ACER3: variants seen among roughly 807,000 people sequenced by gnomAD.
The protein encoded by ACER3 is alkaline ceramidase 3.
A neutral mutation model predicts 48.9 loss-of-function variants in ACER3; 16 were observed. That is an observed-to-expected ratio of 0.33 (90% CI 0.22 to 0.50). ACER3 has a LOEUF of 0.50. Among genes scored for constraint, ACER3 ranks in the 20% least tolerant of loss-of-function variants. The pLI is 0.98. For synonymous variants in ACER3, 109 were observed against 107.8 expected (o/e 1.01, Z -0.07); for missense variants, 227 against 326.0 (o/e 0.70, Z 2.34).
Position 76,916,132 on chromosome 11 carries a change from C to T in ACER3, c.104-10425C>T, listed in dbSNP as rs546618573. On this transcript the variant is annotated intron_variant, in intron 1 of 10. Coordinates refer to ENST00000532485, the MANE Select transcript of ACER3 (RefSeq NM_018367.7). ...GATTTTTGACTGATGCATTTTAATT[C>T]TAAGTAAATGAAGAGTGAATGAAAA... Among the ~76,000 whole-genome samples, 91 of 152,176 alleles carry T rather than the reference C, an allele frequency of 6.0e-4. 2 individuals are homozygous for T. The Middle Eastern group carries it at 0.01, about 17-fold the overall frequency.
chr11:76,981,927 G>A (rs1479264145), intron 4 of ACER3, among the ~76,000 whole-genome samples: 1 of 152,154 alleles, frequency 6.6e-6, no homozygotes, highest in Non-Finnish European at 1.5e-5. Context: ...TGTATGGTAA[G>A]TATATGTTTT....
chr11:76,974,069 A>G (rs1161197514), intron 3 of ACER3, among the ~76,000 whole-genome samples: 1 of 152,314 alleles, frequency 6.6e-6, no homozygotes, highest in Admixed American at 6.5e-5. Context: ...ATTCTATTCT[A>G]TTGACTTATA....
chr11:76,962,843 G>A (rs1008750142), intron 3 of ACER3, among the ~76,000 whole-genome samples: 5 of 151,360 alleles, frequency 3.3e-5, no homozygotes, highest in African/African-American at 9.8e-5. Flanking sequence ...CCTGGAAAAA[G>A]GTAGAGATTT....
At chr11:76,963,931 C>G (rs539986717) in intron 3 of ACER3, among the ~76,000 whole-genome samples, 1 of 151,412 alleles carries the variant, frequency 6.6e-6, no homozygotes, top group Non-Finnish European at 1.5e-5. Context: ...ACTGAGGTAC[C>G]GGGTTCATCT....
chr11:76,964,940 A>G (rs535043235), intron 3 of ACER3, among the ~76,000 whole-genome samples: 3 of 151,518 alleles, frequency 2.0e-5, no homozygotes, highest in African/African-American at 7.4e-5. Flanking sequence ...CTCACCAGCA[A>G]TGGAACAAAG....
chr11:76,939,054 A>G (rs969639916), intron 2 of ACER3, among the ~76,000 whole-genome samples: 1 of 152,320 alleles, frequency 6.6e-6, no homozygotes, highest in East Asian at 1.9e-4. Context: ...AATCTGAAAA[A>G]TAACAGTAAT....
At chr11:76,867,930 C>T (rs1945137544) in intron 1 of ACER3, among the ~76,000 whole-genome samples, 1 of 152,190 alleles carries the variant, frequency 6.6e-6, no homozygotes, top group Non-Finnish European at 1.5e-5. Flanking sequence ...GAAAGTAGGG[C>T]AGCCCTCAGT....
At chr11:76,952,255 T>C (rs1947691560) in intron 2 of ACER3, among the ~76,000 whole-genome samples, 1 of 149,408 alleles carries the variant, frequency 6.7e-6, no homozygotes, top group Admixed American at 6.7e-5. Context: ...TATACTATTC[T>C]TTCTTTCTTT....
intron 2 of ACER3, among the ~76,000 whole-genome samples, chr11:76,948,362 G>A (rs577343107): frequency 1.3e-5 from 2 of 151,574 alleles, no homozygotes; most frequent in South Asian, 2.1e-4. Flanking sequence ...AATTTAAAAC[G>A]CTCTTTTTAA....
At chr11:76,950,855 T>A (rs1947646937) in intron 2 of ACER3, among the ~76,000 whole-genome samples, 1 of 152,178 alleles carries the variant, frequency 6.6e-6, no homozygotes, top group Admixed American at 6.5e-5. Flanking sequence ...GTATGTTTTG[T>A]TGAGAGAAAG....
intron 1 of ACER3, among the ~76,000 whole-genome samples, chr11:76,912,596 A>T (rs1946409284): frequency 6.6e-6 from 1 of 152,102 alleles, no homozygotes; most frequent in Non-Finnish European, 1.5e-5. Flanking sequence ...ACAATGACAT[A>T]TTGTTTTTAA....
intron 6 of ACER3, among the ~76,000 whole-genome samples, chr11:76,998,344 G>A (rs1177494312): frequency 2.0e-5 from 3 of 152,050 alleles, no homozygotes; most frequent in African/African-American, 7.2e-5. Context: ...TAAATGCAGA[G>A]GCATTTAGAA....
intron 1 of ACER3, among the ~76,000 whole-genome samples, chr11:76,877,981 G>T (rs941903298): frequency 2.0e-5 from 3 of 151,486 alleles, no homozygotes; most frequent in Admixed American, 6.6e-5. Context: ...ATGCTCCTGA[G>T]AATTGACTGT....
chr11:76,889,060 T>C lies in ACER3; in HGVS notation c.103+27981T>C, dbSNP rs151308092. Among the ~76,000 whole-genome samples the C allele has an allele frequency of 2.2e-4, 33 of 152,322 alleles. 2 individuals carry two copies. In the East Asian group the frequency reaches 5.6e-3, roughly 26 times the overall value. On this transcript the variant is annotated intron_variant, in intron 1 of 10. Coordinates refer to ENST00000532485, the MANE Select transcript of ACER3 (RefSeq NM_018367.7). ...TGGGTGTTTACTTTTCTATTTCATCTAGCTATTAAGTAGCCCCACAAGCAT... is the reference window on the plus strand; with the variant it reads ...TGGGTGTTTACTTTTCTATTTCATCCAGCTATTAAGTAGCCCCACAAGCAT...
In ACER3 at chr11:76,976,284, T is replaced by C. The variant is rs769463860; in HGVS notation, c.268-5T>C. 3 of 1,601,880 alleles carry C rather than the reference T, an allele frequency of 1.9e-6. No homozygotes were observed. Among genetic ancestry groups the C allele is most frequent in the Non-Finnish European group, 8.5e-7 (1 of 1,171,592 alleles). ...AAGCCTGTTATCTATCTTTGTTTCT[T>C]ACAGCTATTGGATGAACTCCCAATG... On this transcript the variant is annotated splice_polypyrimidine_tract_variant and splice_region_variant and intron_variant, in intron 3 of 10. Transcript: ENST00000532485.
chr11:77,019,321 T>C (rs1421978977), intron 9 of ACER3, among the ~76,000 whole-genome samples: 12 of 152,000 alleles, frequency 7.9e-5, no homozygotes, highest in Non-Finnish European at 1.8e-4. Context: ...TATCTGGGCG[T>C]TGTGGCAGGC....
intron 1 of ACER3, among the ~76,000 whole-genome samples, chr11:76,902,063 A>C (rs1475733798): frequency 6.6e-6 from 1 of 151,376 alleles, no homozygotes; most frequent in Non-Finnish European, 1.5e-5. Flanking sequence ...TTTTTTCCAG[A>C]ATAGGGTACT....
intron 7 of ACER3, among the ~76,000 whole-genome samples, chr11:76,999,605 C>A (rs1325701884): frequency 6.6e-6 from 1 of 152,064 alleles, no homozygotes; most frequent in Non-Finnish European, 1.5e-5. Flanking sequence ...ATAACCAGAC[C>A]TACTTCCCTC....
intron 7 of ACER3, among the ~76,000 whole-genome samples, chr11:77,001,879 A>G (rs1949038144): frequency 6.6e-6 from 1 of 152,210 alleles, no homozygotes; most frequent in Admixed American, 6.5e-5. Flanking sequence ...CTTAACCAAC[A>G]AACTTATTTT....
Sources: allele counts gnomAD v4.1 joint callset (sites outside exome capture counted in the v4.1 genomes callset), GRCh38; gene constraint gnomAD v4.1.1; transcripts MANE v1.5; gene names NCBI Gene and HGNC (gene_info 2026-07-23, HGNC 2026-07-21).